MACROD2: variants seen among roughly 807,000 people sequenced by gnomAD.
MACROD2 encodes the protein ADP-ribose glycohydrolase MACROD2.
A neutral mutation model predicts 70.4 loss-of-function variants in MACROD2; 36 were observed. The observed-to-expected ratio is 0.51, with a 90% CI of 0.39 to 0.68. The LOEUF is 0.68. MACROD2 is among the 30% of genes least tolerant of loss of function. The pLI, the probability that MACROD2 is intolerant of heterozygous loss-of-function variation, is 0.00. For synonymous variants in MACROD2, 172 were observed against 178.8 expected (o/e 0.96, Z 0.30); for missense variants, 496 against 538.4 (o/e 0.92, Z 0.78).
chr20:15,287,725 C>CAGA (rs1042388360), intron 6 of MACROD2, among the ~76,000 whole-genome samples: 2 of 152,228 alleles, frequency 1.3e-5, no homozygotes, highest in Admixed American at 6.5e-5. Context: ...AACAGCTAAA[C>CAGA]AGATCCTCAT....
chr20:14,162,722 T>C (rs1415024822), intron 3 of MACROD2, among the ~76,000 whole-genome samples: 1 of 152,066 alleles, frequency 6.6e-6, no homozygotes. Context: ...TTTTTTCCAT[T>C]CCTTTCCTTT....
At chr20:15,206,388 A>G (rs1247772625) in intron 5 of MACROD2, among the ~76,000 whole-genome samples, 1 of 152,190 alleles carries the variant, frequency 6.6e-6, no homozygotes, top group African/African-American at 2.4e-5. Context: ...TTCTGTTTAA[A>G]AAGTATATAG....
At chr20:14,614,229 T>A (rs995713659) in intron 4 of MACROD2, among the ~76,000 whole-genome samples, 1 of 152,118 alleles carries the variant, frequency 6.6e-6, no homozygotes, top group Non-Finnish European at 1.5e-5. Context: ...TATAAAATGA[T>A]GACAATTATA....
intron 4 of MACROD2, among the ~76,000 whole-genome samples, chr20:14,517,169 C>T (rs1025776351): frequency 6.6e-6 from 1 of 152,052 alleles, no homozygotes; most frequent in African/African-American, 2.4e-5. Context: ...ACCATTTGAC[C>T]CAGCAATCCC....
At chr20:15,989,295 T>A (rs1009870296) in intron 15 of MACROD2, among the ~76,000 whole-genome samples, 1 of 152,218 alleles carries the variant, frequency 6.6e-6, no homozygotes, top group Non-Finnish European at 1.5e-5. Flanking sequence ...CAACAACAAC[T>A]GGTTCTATCC....
intron 3 of MACROD2, among the ~76,000 whole-genome samples, chr20:14,156,732 A>T (rs2055109380): frequency 6.6e-6 from 1 of 152,136 alleles, no homozygotes; most frequent in African/African-American, 2.4e-5. Context: ...CTTTCTTGAA[A>T]CTACTTTTTC....
intron 12 of MACROD2, among the ~76,000 whole-genome samples, chr20:15,951,699 A>G (rs2065908396): frequency 6.6e-6 from 1 of 152,144 alleles, no homozygotes; most frequent in Non-Finnish European, 1.5e-5. Context: ...TTGAGAACAA[A>G]CACAAATATG....
chr20:15,047,191 C>T (rs1359096525), intron 5 of MACROD2, among the ~76,000 whole-genome samples: 3 of 152,058 alleles, frequency 2.0e-5, no homozygotes, highest in Non-Finnish European at 4.4e-5. Context: ...ATTGAGGATA[C>T]GTGATTGAGG....
At chr20:15,294,606 A>G (rs1343333192) in intron 6 of MACROD2, among the ~76,000 whole-genome samples, 1 of 152,048 alleles carries the variant, frequency 6.6e-6, no homozygotes, top group Non-Finnish European at 1.5e-5. Context: ...GGTCTCCAGT[A>G]TTTTTTCCTG....
Position 15,978,135 on chromosome 20 carries a change from T to C in MACROD2, c.986-8592T>C, listed in dbSNP as rs1024841565. 3.9e-5 allele frequency among the ~76,000 whole-genome samples: 6 copies of C among 152,306 alleles called. 1 individual carries two copies. In the South Asian group the frequency reaches 1.0e-3, roughly 26 times the overall value. On this transcript the variant is annotated intron_variant, in intron 13 of 17. Transcript: ENST00000684519. ...TGCAGGCTCTGATTCTGTAGGTCTG[T>C]GATGAGGCCTGAAATTCTGCATTTT...
chr20:15,403,092 A>G (rs1427583900), intron 6 of MACROD2, among the ~76,000 whole-genome samples: 2 of 151,970 alleles, frequency 1.3e-5, no homozygotes, highest in South Asian at 2.1e-4. Context: ...TTAGCCTCCC[A>G]AGTAGCTGGG....
chr20:15,442,549 C>G (rs2046509818), intron 7 of MACROD2, among the ~76,000 whole-genome samples: 1 of 152,096 alleles, frequency 6.6e-6, no homozygotes, highest in South Asian at 2.1e-4. Flanking sequence ...GTCTAATGGT[C>G]CCTCTACTCA....
chr20:15,078,904 C>T (rs1238012178), intron 5 of MACROD2, among the ~76,000 whole-genome samples: 1 of 151,994 alleles, frequency 6.6e-6, no homozygotes, highest in Non-Finnish European at 1.5e-5. Flanking sequence ...GCTTAGCCTC[C>T]CAAAATGCTG....
intron 8 of MACROD2, among the ~76,000 whole-genome samples, chr20:15,585,210 T>TC (rs34785520): frequency 6.6e-6 from 1 of 151,220 alleles, no homozygotes; most frequent in Non-Finnish European, 1.5e-5. Context: ...TTCTTTTTTT[T>TC]TTTTTTAGAT....
At chr20:15,308,493 TA>T (rs2077719631) in intron 6 of MACROD2, among the ~76,000 whole-genome samples, 1 of 152,210 alleles carries the variant, frequency 6.6e-6, no homozygotes, top group East Asian at 1.9e-4. Flanking sequence ...ATATAGTTCT[TA>T]ACATACTGTT....
At chr20:14,927,870 C>T (rs2074252560) in intron 5 of MACROD2, among the ~76,000 whole-genome samples, 1 of 152,092 alleles carries the variant, frequency 6.6e-6, no homozygotes. Context: ...CTTTTTTCTT[C>T]TGCACTTGAT....
At chr20:14,460,762 G>A (rs1421822891) in intron 3 of MACROD2, among the ~76,000 whole-genome samples, 1 of 152,014 alleles carries the variant, frequency 6.6e-6, no homozygotes, top group Non-Finnish European at 1.5e-5. Context: ...TGCATCCCAG[G>A]GATGAAGCCG....
intron 5 of MACROD2, among the ~76,000 whole-genome samples, chr20:15,129,780 G>T (rs970005): frequency 0.37 from 56,357 of 151,816 alleles, 11,515 homozygotes; most frequent in East Asian, 0.6. Flanking sequence ...AATGGGCTTG[G>T]TGAAACAGAT....
At chr20:15,089,115 T>C (rs2075774431) in intron 5 of MACROD2, among the ~76,000 whole-genome samples, 1 of 152,128 alleles carries the variant, frequency 6.6e-6, no homozygotes, top group Admixed American at 6.6e-5. Flanking sequence ...TTGAAGAAGA[T>C]AATCATGTAT....
Sources: allele counts gnomAD v4.1 joint callset (sites outside exome capture counted in the v4.1 genomes callset), GRCh38; gene constraint gnomAD v4.1.1; transcripts MANE v1.5; gene names NCBI Gene and HGNC (gene_info 2026-07-23, HGNC 2026-07-21).